The following MYO18B variants were observed in gnomAD, a reference collection of about 807,000 sequenced individuals.
The protein encoded by MYO18B is unconventional myosin-XVIIIb.
Under a neutral mutation model 273.0 loss-of-function variants are expected in MYO18B, and 204 were observed. The ratio of observed to expected loss-of-function variants is 0.75; its 90% CI spans 0.67 to 0.84. MYO18B has a LOEUF of 0.84. Ranked by LOEUF, MYO18B falls within the 40% of genes least tolerant of loss-of-function variation. The pLI is 0.00. For missense variants in MYO18B, 3,212 were observed against 3,287.6 expected (o/e 0.98, Z 0.56); for synonymous variants, 1,330 against 1,305.7 (o/e 1.02, Z -0.40).
intron 43 of MYO18B, among the ~76,000 whole-genome samples, chr22:26,028,748 C>T (rs1202244753): frequency 6.6e-6 from 1 of 151,934 alleles, no homozygotes. Context: ...AATAGCAGAG[C>T]GTGGTAGCGG....
chr22:25,946,779 T>C (rs569549516), intron 35 of MYO18B, among the ~76,000 whole-genome samples: 2 of 152,316 alleles, frequency 1.3e-5, no homozygotes, highest in Admixed American at 1.3e-4. Flanking sequence ...ATTGTGGGGC[T>C]ACTGCATGTC....
At chr22:25,978,075 G>A (rs558708096) in intron 39 of MYO18B, among the ~76,000 whole-genome samples, 63 of 152,274 alleles carry the variant, frequency 4.1e-4, no homozygotes, top group South Asian at 1.2e-3. Context: ...TACTACACGA[G>A]GTATTTGGGA....
intron 34 of MYO18B, among the ~76,000 whole-genome samples, chr22:25,940,192 T>C (rs150358184): frequency 1.0e-3 from 155 of 152,270 alleles, no homozygotes; most frequent in African/African-American, 3.3e-3. Flanking sequence ...CTCCCATAAT[T>C]CCCACGTGTC....
downstream of MYO18B, among the ~76,000 whole-genome samples, chr22:26,033,749 T>TCTCC (rs1287065173): frequency 4.1e-4 from 62 of 152,172 alleles, no homozygotes; most frequent in African/African-American, 1.5e-3. Flanking sequence ...TCTTTCTCTC[T>TCTCC]CTCCCTCTTT....
intron 15 of MYO18B, among the ~76,000 whole-genome samples, chr22:25,831,625 C>T (rs909362228): frequency 1.3e-5 from 2 of 152,144 alleles, no homozygotes; most frequent in Admixed American, 6.5e-5. Flanking sequence ...TCAGGTGATC[C>T]GCCTGCCTCG....
Position 25,843,765 on chromosome 22 carries a change from C to T in MYO18B, c.3239C>T (p.Pro1080Leu), listed in dbSNP as rs568230633. The change falls in exon 18 of 44, where the codon CCC becomes CTC. Residue 1080 changes from proline to leucine, a missense_variant. Physicochemically the swap from Pro to Leu is moderately conservative, Grantham distance 98 (BLOSUM62 -3). Transcript: ENST00000335473. ...TCTGCCCTGCGGACCTGTGAGCAGCCCCTCCAGTGTGAGATTTTCCACCAG... is the reference window on the plus strand; with the variant it reads ...TCTGCCCTGCGGACCTGTGAGCAGCTCCTCCAGTGTGAGATTTTCCACCAG... ...GSSALRTCEQ[P>L]LQCEIFHQLG... is the part of the protein sequence containing the mutation. 36 of 1,613,682 alleles carry T rather than the reference C, an allele frequency of 2.2e-5. No individual in the cohort carries two copies. The South Asian group carries it at 3.5e-4, about 16-fold the overall frequency.
intron 7 of MYO18B, among the ~76,000 whole-genome samples, chr22:25,774,219 C>T (rs913112936): frequency 4.6e-5 from 7 of 152,200 alleles, no homozygotes; most frequent in African/African-American, 1.7e-4. Flanking sequence ...CCACACCACA[C>T]CTTCAGTCAC....
chr22:25,994,425 A>T (rs1933012847), intron 40 of MYO18B, among the ~76,000 whole-genome samples: 1 of 152,214 alleles, frequency 6.6e-6, no homozygotes, highest in African/African-American at 2.4e-5. Flanking sequence ...GTGATCTGTG[A>T]TTGTGCCACT....
At chr22:26,000,455 A>G (rs1933845264) in intron 40 of MYO18B, among the ~76,000 whole-genome samples, 1 of 152,088 alleles carries the variant, frequency 6.6e-6, no homozygotes, top group Non-Finnish European at 1.5e-5. Flanking sequence ...TACAAACTCA[A>G]GTACTTTCCA....
At chr22:25,975,081 G>A (rs992232748) in intron 39 of MYO18B, among the ~76,000 whole-genome samples, 1 of 152,190 alleles carries the variant, frequency 6.6e-6, no homozygotes, top group African/African-American at 2.4e-5. Context: ...GATCCTGAGT[G>A]CCTGGGAAGG....
intron 31 of MYO18B, 49 bp downstream of exon 31, chr22:25,903,880 C>A: frequency 6.5e-7 from 1 of 1,539,322 alleles, no homozygotes; most frequent in Non-Finnish European, 8.8e-7. Flanking sequence ...GTCTCCAATG[C>A]AGAGTGATGT....
At chr22:25,996,535 T>A (rs902042561) in intron 40 of MYO18B, among the ~76,000 whole-genome samples, 2 of 152,154 alleles carry the variant, frequency 1.3e-5, no homozygotes, top group African/African-American at 4.8e-5. Context: ...GTCCTGCTTT[T>A]ATCAAACCTG....
At position 25,769,258 on chromosome 22, in the gene MYO18B, C is replaced by T. The variant is rs1362377583; in HGVS notation, c.1342C>T (p.Pro448Ser). 8 of 1,593,178 alleles carry T rather than the reference C, an allele frequency of 5.0e-6. No individual in the cohort carries two copies. Among genetic ancestry groups the T allele is most frequent in the Non-Finnish European group, 6.8e-6 (8 of 1,170,302 alleles). ...PGSRGQEAEE[P>S]CSRAGDGAGA... Reference sequence around the variant, plus strand: ...AAGCCGTGGGCAGGAAGCAGAGGAGCCCTGCTCAAGAGCAGGTGATGGGGC... The same window carrying T: ...AAGCCGTGGGCAGGAAGCAGAGGAGTCCTGCTCAAGAGCAGGTGATGGGGC... The change falls in exon 4 of 44, where the codon CCC becomes TCC. Residue 448 changes from proline to serine, a missense_variant. Transcript: ENST00000335473.
chr22:25,799,041 A>G (rs538040147), intron 12 of MYO18B, among the ~76,000 whole-genome samples: 3 of 151,882 alleles, frequency 2.0e-5, no homozygotes, highest in African/African-American at 7.2e-5. Context: ...GTATCCAATC[A>G]TTCACTATGT....
At position 25,803,967 on chromosome 22, in the gene MYO18B, AACACACACACACACACACACACACACAC is replaced by A. The variant is rs151023852; in HGVS notation, c.2521+5886_2521+5913del. On this transcript the variant is annotated intron_variant, in intron 12 of 43. Transcript: ENST00000335473. Reference sequence around the variant, plus strand: ...AAACATTTTACCTCTTGACCCAGTGAACACACACACACACACACACACACACACACACACACACACACATATTTTATAG... The same window carrying A: ...AAACATTTTACCTCTTGACCCAGTGAACACACACACACACATATTTTATAG... 2.0e-3 allele frequency among the ~76,000 whole-genome samples: 275 copies of A among 136,956 alleles called. 1 individual carries two copies. Among genetic ancestry groups the A allele is most frequent in the African/African-American group, 7.3e-3 (264 of 36,266 alleles). The allele number at this position is 136,956 out of a possible 152,430, so 89.8% of individuals were successfully genotyped here. A position where few individuals can be genotyped will look rare whatever the true frequency, so the allele number is the denominator to read the frequency against.
At chr22:25,805,097 C>A (rs2088407260) in intron 12 of MYO18B, among the ~76,000 whole-genome samples, 1 of 152,204 alleles carries the variant, frequency 6.6e-6, no homozygotes, top group Admixed American at 6.5e-5. Context: ...CGTGCCCTCC[C>A]TGTGCCCAGC....
At position 25,937,032 on chromosome 22, in the gene MYO18B, A is replaced by C. The variant is rs186947796; in HGVS notation, c.5518-9105A>C. On this transcript the variant is annotated intron_variant, in intron 34 of 43. Transcript: ENST00000335473. Reference sequence around the variant, plus strand: ...AGTAGTTGTGATTATCCTACTACTAATAATAATATTTATTATTACTTTGAA... The same window carrying C: ...AGTAGTTGTGATTATCCTACTACTACTAATAATATTTATTATTACTTTGAA... Among the ~76,000 whole-genome samples, 133 of 152,280 alleles carry C rather than the reference A, an allele frequency of 8.7e-4. 1 individual carries two copies. The highest frequency in any genetic ancestry group is 2.1e-3 in the South Asian group (10 of 4,820).
At chr22:25,905,150 A>C (rs1398153866) in intron 31 of MYO18B, among the ~76,000 whole-genome samples, 1 of 151,740 alleles carries the variant, frequency 6.6e-6, no homozygotes. Flanking sequence ...TGTTGAACTG[A>C]AGTGGGGATG....
In MYO18B at chr22:25,903,677, T is replaced by C. The variant is rs2091982656; in HGVS notation, c.4994T>C (p.Leu1665Pro). The C allele has an allele frequency of 6.2e-7, 1 of 1,609,884 alleles. No individual in the cohort carries two copies. The highest frequency in any genetic ancestry group is 1.7e-5 in the Admixed American group (1 of 59,504). Residue 1665 changes from leucine to proline, a missense_variant, in exon 31 of 44, where the codon CTA becomes CCA. Leu to Pro is a moderately conservative substitution (Grantham distance 98). Coordinates refer to ENST00000335473, the MANE Select transcript of MYO18B (RefSeq NM_032608.7). Reference protein sequence around the residue: ...ASQLKQQVEMLQDHKRELLGS... With the variant: ...ASQLKQQVEMPQDHKRELLGS... Reference sequence around the variant, plus strand: ...CAGCTGAAGCAGCAGGTGGAGATGCTACAGGACCATAAACGGGAGCTGCTG... The same window carrying C: ...CAGCTGAAGCAGCAGGTGGAGATGCCACAGGACCATAAACGGGAGCTGCTG...
Sources: allele counts gnomAD v4.1 joint callset (sites outside exome capture counted in the v4.1 genomes callset), GRCh38; gene constraint gnomAD v4.1.1; transcripts MANE v1.5; gene names NCBI Gene and HGNC (gene_info 2026-07-23, HGNC 2026-07-21).